COL14A1: variants seen among roughly 807,000 people sequenced by gnomAD.
COL14A1 encodes the protein collagen alpha-1(XIV) chain.
COL14A1 carries 136 observed loss-of-function variants against 230.3 expected under a neutral mutation model. The observed-to-expected ratio is 0.59, with a 90% confidence interval of 0.51 to 0.68. The LOEUF (loss-of-function observed/expected upper bound fraction) is 0.68, where lower values mean the gene tolerates loss of function less well. Ranked by LOEUF, COL14A1 falls within the 30% of genes least tolerant of loss-of-function variation. The pLI, the probability that COL14A1 is intolerant of heterozygous loss-of-function variation, is 0.00. For synonymous variants in COL14A1, 792 were observed against 784.1 expected, an observed-to-expected ratio of 1.01 and a Z score of -0.17; for missense variants, 1,976 against 2,215.8, an observed-to-expected ratio of 0.89 and a Z score of 2.17.
At chr8:120,296,669 TG>T (rs890223581) in intron 34 of COL14A1, among the ~76,000 whole-genome samples, 2 of 151,908 alleles carry the variant, frequency 1.3e-5, no homozygotes, top group African/African-American at 4.8e-5. Flanking sequence ...ATAGTAAAAA[TG>T]ATTGGGTCAT....
chr8:120,241,066 G>A (rs1175191591), intron 19 of COL14A1, among the ~76,000 whole-genome samples: 2 of 152,146 alleles, frequency 1.3e-5, no homozygotes, highest in East Asian at 3.8e-4. Flanking sequence ...TGAATTCTGG[G>A]TTGCAAGAAT....
intron 45 of COL14A1, among the ~76,000 whole-genome samples, chr8:120,358,787 T>G (rs1823080452): frequency 6.6e-6 from 1 of 152,194 alleles, no homozygotes; most frequent in Non-Finnish European, 1.5e-5. Context: ...AAACTAAAGT[T>G]GTTTGTATTA....
At chr8:120,168,727 A>T (rs916813651) in intron 5 of COL14A1, among the ~76,000 whole-genome samples, 7 of 152,200 alleles carry the variant, frequency 4.6e-5, no homozygotes, top group Non-Finnish European at 7.3e-5. Flanking sequence ...ATGCGTTGAT[A>T]TGTGTAAAAT....
At chr8:120,200,735 ATATATATAT>A (rs1817216780) in intron 8 of COL14A1, among the ~76,000 whole-genome samples, 2 of 63,884 alleles carry the variant, frequency 3.1e-5, no homozygotes, top group Non-Finnish European at 3.1e-5. Flanking sequence ...ATATATATAT[ATATATATAT>A]ATATATATAT....
At chr8:120,217,452 A>G (rs1391160694) in intron 14 of COL14A1, among the ~76,000 whole-genome samples, 1 of 152,206 alleles carries the variant, frequency 6.6e-6, no homozygotes, top group Non-Finnish European at 1.5e-5. Flanking sequence ...AAAGAAGGAA[A>G]TATGTTAGAT....
chr8:120,322,685 A>G (rs1821497527), intron 40 of COL14A1, among the ~76,000 whole-genome samples: 1 of 151,586 alleles, frequency 6.6e-6, no homozygotes. Context: ...GCTATGGATA[A>G]TGGCCTTCAG....
chr8:120,239,130 T>C (rs1563690312), intron 19 of COL14A1, among the ~76,000 whole-genome samples: 4 of 152,214 alleles, frequency 2.6e-5, no homozygotes. Context: ...GGCCTTCCCA[T>C]GTATTCTAAA....
intron 45 of COL14A1, among the ~76,000 whole-genome samples, chr8:120,365,144 C>T (rs1823366510): frequency 6.6e-6 from 1 of 152,120 alleles, no homozygotes; most frequent in African/African-American, 2.4e-5. Flanking sequence ...CCAATCTTCT[C>T]CACCTCGTGC....
At chr8:120,186,406 T>C (rs34706724) in intron 5 of COL14A1, among the ~76,000 whole-genome samples, 51,482 of 152,088 alleles carry the variant, frequency 0.34, 9,539 homozygotes, top group Admixed American at 0.48. Context: ...TTCAAATGTC[T>C]TGTGTAATGA....
chr8:120,328,801 GCAGTTTCTTTT>G (rs1457600151), intron 40 of COL14A1, among the ~76,000 whole-genome samples: 3 of 152,152 alleles, frequency 2.0e-5, no homozygotes, highest in Non-Finnish European at 2.9e-5. Context: ...GCAATTTTCT[GCAGTTTCTTTT>G]CTGCAGCTTG....
intron 45 of COL14A1, among the ~76,000 whole-genome samples, chr8:120,357,968 A>G (rs1328282718): frequency 6.6e-6 from 1 of 152,216 alleles, no homozygotes; most frequent in Non-Finnish European, 1.5e-5. Context: ...TCCATTTTCA[A>G]ACCAAACACA....
Position 120,247,623 on chromosome 8 carries a change from G to T in COL14A1, c.2490G>T (p.Ser830=), listed in dbSNP as rs2305605. The change falls in exon 21 of 48, where the codon TCG becomes TCT. Residue 830 remains serine, a synonymous_variant. Transcript: ENST00000297848. The part of the protein sequence containing the change: ...VSAPGKTLPS[S]GPQNLRVSEE... Reference sequence around the variant, plus strand: ...TTCTTTTCTACTCAGTACCATCCTCGGGGCCCCAGAACTTGCGGGTGTCCG... The same window carrying T: ...TTCTTTTCTACTCAGTACCATCCTCTGGGCCCCAGAACTTGCGGGTGTCCG... 6.2e-7 allele frequency: 1 copy of T among 1,613,500 alleles called. No individual in the cohort carries two copies. The highest frequency in any genetic ancestry group is 1.1e-5 in the South Asian group (1 of 90,988).
chr8:120,293,198 G>T (rs1820426030), intron 34 of COL14A1, among the ~76,000 whole-genome samples: 2 of 151,754 alleles, frequency 1.3e-5, no homozygotes, highest in South Asian at 4.2e-4. Flanking sequence ...TATCCAACTG[G>T]CATATATTTA....
At chr8:120,156,664 A>T (rs1180223874) in intron 2 of COL14A1, among the ~76,000 whole-genome samples, 1 of 152,180 alleles carries the variant, frequency 6.6e-6, no homozygotes, top group African/African-American at 2.4e-5. Flanking sequence ...TACATGAAGT[A>T]GGGGAAAGGG....
chr8:120,355,544 C>A (rs1049010776), intron 45 of COL14A1, among the ~76,000 whole-genome samples: 1 of 151,812 alleles, frequency 6.6e-6, no homozygotes, highest in Admixed American at 6.6e-5. Flanking sequence ...TCCCAAGTAG[C>A]TGGGACTACA....
At chr8:120,132,173 A>AT (rs144262720) in intron 1 of COL14A1, among the ~76,000 whole-genome samples, 3 of 151,974 alleles carry the variant, frequency 2.0e-5, no homozygotes, top group Non-Finnish European at 2.9e-5. Flanking sequence ...TTCTTCTAGG[A>AT]TTTTTTTATA....
rs566328013 is a variant in COL14A1 at position 120,223,221 on chromosome 8, T to C, written c.1738-1867T>C. Among the ~76,000 whole-genome samples, 7 of 152,238 alleles carry C rather than the reference T, an allele frequency of 4.6e-5. No individual in the cohort carries two copies. The East Asian group carries it at 1.3e-3, about 29-fold the overall frequency. ...CAGGGTGCTTGGTTTTGATTCAGAG[T>C]GCAATAGACAGCCAATGAAGGTTTA... On this transcript the variant is annotated intron_variant, in intron 14 of 47. Coordinates refer to ENST00000297848, the MANE Select transcript of COL14A1 (RefSeq NM_021110.4).
At chr8:120,338,302 C>T (rs1229822949) in intron 42 of COL14A1, among the ~76,000 whole-genome samples, 3 of 151,962 alleles carry the variant, frequency 2.0e-5, no homozygotes, top group African/African-American at 7.3e-5. Context: ...TATTATCTTC[C>T]CTGGAATAGA....
chr8:120,242,216 T>G (rs915934946), intron 19 of COL14A1, among the ~76,000 whole-genome samples: 2 of 152,204 alleles, frequency 1.3e-5, no homozygotes, highest in African/African-American at 4.8e-5. Flanking sequence ...TCTCAAGCAT[T>G]TCTGATAAGG....
Sources: allele counts gnomAD v4.1 joint callset (sites outside exome capture counted in the v4.1 genomes callset), GRCh38; gene constraint gnomAD v4.1.1; transcripts MANE v1.5; gene names NCBI Gene and HGNC (gene_info 2026-07-23, HGNC 2026-07-21).